Variants in CCDC192 observed in about 807,000 individuals in gnomAD.
CCDC192 encodes the protein coiled-coil domain-containing protein 192.
intron 5 of CCDC192, among the ~76,000 whole-genome samples, chr5:127,844,235 AT>A (rs1411319390): frequency 3.3e-5 from 5 of 152,226 alleles, no homozygotes; most frequent in African/African-American, 1.2e-4. Flanking sequence ...CAATGAATAC[AT>A]TTCTCATAGT....
chr5:127,906,584 A>C (rs771621242), intron 6 of CCDC192, among the ~76,000 whole-genome samples: 1 of 152,056 alleles, frequency 6.6e-6, no homozygotes, highest in Non-Finnish European at 1.5e-5. Context: ...CCATGAGTTC[A>C]AGACCAGCCT....
chr5:127,929,547 G>A (rs1753960423), intron 6 of CCDC192, among the ~76,000 whole-genome samples: 1 of 152,176 alleles, frequency 6.6e-6, no homozygotes, highest in African/African-American at 2.4e-5. Flanking sequence ...GCAATGTCAA[G>A]TCAGCTAAAT....
chr5:127,721,081 T>G (rs562612523), intron 2 of CCDC192, among the ~76,000 whole-genome samples: 1 of 152,222 alleles, frequency 6.6e-6, no homozygotes, highest in Non-Finnish European at 1.5e-5. Context: ...CATATGCAAA[T>G]TTCTGTAGCT....
At chr5:127,886,422 G>C (rs1752561374) in intron 6 of CCDC192, among the ~76,000 whole-genome samples, 1 of 152,090 alleles carries the variant, frequency 6.6e-6, no homozygotes, top group Non-Finnish European at 1.5e-5. Flanking sequence ...TTTGCATTGT[G>C]CTGGTCCACT....
At chr5:127,757,798 ACTCT>A (rs112955117) in intron 3 of CCDC192, among the ~76,000 whole-genome samples, 1,309 of 117,032 alleles carry the variant, frequency 0.011, 10 homozygotes, top group African/African-American at 0.017. Flanking sequence ...ACACACACAC[ACTCT>A]CTCTCTCTCT....
At chr5:127,846,725 C>T (rs1193175984) in intron 5 of CCDC192, among the ~76,000 whole-genome samples, 1 of 150,780 alleles carries the variant, frequency 6.6e-6, no homozygotes, top group Non-Finnish European at 1.5e-5. Context: ...CCACCTCAGC[C>T]TCCAAAACTG....
At position 127,869,999 on chromosome 5, in the gene CCDC192, ATTC is replaced by A. The variant is rs1751779170; in HGVS notation, c.412-5538_412-5536del. On this transcript the variant is annotated intron_variant, in intron 5 of 6. Coordinates refer to ENST00000514853, the MANE Select transcript of CCDC192 (RefSeq NM_001317938.2). ...CAGGCTCTGGGTCAAGGTTAGGGTG[ATTC>A]CTAAGGGTTTGTGTATCAACTAGCT... Among the ~76,000 whole-genome samples, 3 of 152,304 alleles carry A rather than the reference ATTC, an allele frequency of 2.0e-5. No homozygotes were observed. In the South Asian group the frequency reaches 6.2e-4, roughly 32 times the overall value.
intron 2 of CCDC192, among the ~76,000 whole-genome samples, chr5:127,734,475 A>G (rs1325267589): frequency 2.0e-5 from 3 of 148,814 alleles, no homozygotes; most frequent in African/African-American, 7.5e-5. Context: ...TGGTATTTCC[A>G]GTTCTAGATC....
chr5:127,726,303 A>C (rs1280673614), intron 2 of CCDC192, among the ~76,000 whole-genome samples: 1 of 152,220 alleles, frequency 6.6e-6, no homozygotes, highest in African/African-American at 2.4e-5. Context: ...CTCCTATGGT[A>C]TATGGGGGGT....
chr5:127,819,994 C>T (rs1749209816), intron 5 of CCDC192, among the ~76,000 whole-genome samples: 1 of 152,218 alleles, frequency 6.6e-6, no homozygotes, highest in Non-Finnish European at 1.5e-5. Context: ...CTCTCTCACA[C>T]ACGTACATCT....
At chr5:127,745,521 T>C (rs1753692010) in intron 2 of CCDC192, among the ~76,000 whole-genome samples, 1 of 152,212 alleles carries the variant, frequency 6.6e-6, no homozygotes, top group South Asian at 2.1e-4. Flanking sequence ...TTTAGTGTTA[T>C]TTAGTATCAT....
intron 3 of CCDC192, among the ~76,000 whole-genome samples, chr5:127,756,064 C>T (rs1481156065): frequency 2.6e-5 from 4 of 151,404 alleles, no homozygotes; most frequent in African/African-American, 7.3e-5. Flanking sequence ...ACCCGGGAGG[C>T]GGAGCTTGCA....
chr5:127,874,925 C>T (rs1054277062), intron 5 of CCDC192, among the ~76,000 whole-genome samples: 4 of 152,082 alleles, frequency 2.6e-5, no homozygotes, highest in South Asian at 4.1e-4. Flanking sequence ...CCAAAGATTT[C>T]GATCTCATAA....
At chr5:127,714,552 A>G (rs1347624698) in intron 2 of CCDC192, among the ~76,000 whole-genome samples, 1 of 152,066 alleles carries the variant, frequency 6.6e-6, no homozygotes, top group Non-Finnish European at 1.5e-5. Flanking sequence ...CCACACCTGC[A>G]TAACTTTTGT....
chr5:127,765,068 A>G (rs1755143164), intron 3 of CCDC192, among the ~76,000 whole-genome samples: 1 of 152,222 alleles, frequency 6.6e-6, no homozygotes, highest in South Asian at 2.1e-4. Flanking sequence ...GGTCTAGTAC[A>G]GAGGTCTTCA....
intron 6 of CCDC192, among the ~76,000 whole-genome samples, chr5:127,920,238 C>A (rs1286074472): frequency 1.3e-5 from 2 of 151,938 alleles, no homozygotes; most frequent in Non-Finnish European, 1.5e-5. Flanking sequence ...TGCTCACACA[C>A]AAATACATAA....
intron 5 of CCDC192, among the ~76,000 whole-genome samples, chr5:127,853,089 GA>G (rs1179008094): frequency 6.7e-6 from 1 of 149,702 alleles, no homozygotes; most frequent in African/African-American, 2.5e-5. Context: ...GACTGTCTCA[GA>G]AAAAAAAAAT....
rs1377644334 is a variant in CCDC192, at chr5:127,786,603, C to T, written c.223-10500C>T. The T allele has an allele frequency of 1.2e-5, 9 of 740,190 alleles. No individual in the cohort carries two copies. The East Asian group carries it at 2.2e-4, about 18-fold the overall frequency. 45.9% of individuals were successfully genotyped at this position (740,190 alleles called of 1,614,324 possible). A position where few individuals can be genotyped will look rare whatever the true frequency, so the allele number is the denominator to read the frequency against. On this transcript the variant is annotated intron_variant, in intron 3 of 6. Transcript: ENST00000514853. Reference sequence around the variant, plus strand: ...CACATATTCCTTTCGTCCTTTGTCACATTCACGGTGAACCCAGTGTCTACT... The same window carrying T: ...CACATATTCCTTTCGTCCTTTGTCATATTCACGGTGAACCCAGTGTCTACT...
chr5:127,816,735 C>G (rs904419996), intron 5 of CCDC192, among the ~76,000 whole-genome samples: 1 of 152,158 alleles, frequency 6.6e-6, no homozygotes, highest in African/African-American at 2.4e-5. Flanking sequence ...TCAAGCCTTG[C>G]ACTGAGGATG....
Sources: gnomAD v4.1 joint callset for allele counts (sites outside exome capture counted in the v4.1 genomes callset) on GRCh38, gnomAD v4.1.1 for gene constraint, MANE v1.5 for transcripts, NCBI Gene and HGNC (gene_info 2026-07-23, HGNC 2026-07-21) for gene names.